TMEM74: variants seen among roughly 807,000 people sequenced by gnomAD.
TMEM74 encodes transmembrane protein 74.
In TMEM74, 13 loss-of-function variants were observed where a neutral mutation model predicts 18.1. The ratio of observed to expected loss-of-function variants is 0.72; its 90% confidence interval spans 0.47 to 1.14. The LOEUF (loss-of-function observed/expected upper bound fraction) is 1.14, where lower values mean the gene tolerates loss of function less well. Among genes scored for constraint, TMEM74 ranks in the 50% most tolerant of loss-of-function variants. The pLI is 0.00. For synonymous variants in TMEM74, 159 were observed against 146.6 expected, an observed-to-expected ratio of 1.08 and a Z score of -0.61; for missense variants, 372 against 375.9, an observed-to-expected ratio of 0.99 and a Z score of 0.09.
At chr8:108,693,823 CA>C (rs1232962336) in intron 1 of TMEM74, among the ~76,000 whole-genome samples, 8 of 152,206 alleles carry the variant, frequency 5.3e-5, no homozygotes, top group African/African-American at 1.9e-4. Flanking sequence ...AAGCAGATTC[CA>C]GTTAAATATG....
chr8:108,715,367 A>G (rs1249435802), intron 1 of TMEM74, among the ~76,000 whole-genome samples: 2 of 152,076 alleles, frequency 1.3e-5, no homozygotes, highest in East Asian at 3.8e-4. Flanking sequence ...CTTCAGCATT[A>G]CACGATATAC....
At chr8:108,739,910 AC>A (rs2130645239) in intron 1 of TMEM74, among the ~76,000 whole-genome samples, 1 of 152,152 alleles carries the variant, frequency 6.6e-6, no homozygotes, top group South Asian at 2.1e-4. Context: ...GAGAAGTGGG[AC>A]CGGGGGCCAT....
At chr8:108,622,482 C>T (rs1217585050) in intron 2 of TMEM74, among the ~76,000 whole-genome samples, 1 of 152,068 alleles carries the variant, frequency 6.6e-6, no homozygotes, top group Non-Finnish European at 1.5e-5. Context: ...TGTTATCCTC[C>T]ACTGACATCA....
chr8:108,662,934 C>G (rs949564750), intron 1 of TMEM74, among the ~76,000 whole-genome samples: 1 of 152,080 alleles, frequency 6.6e-6, no homozygotes, highest in Non-Finnish European at 1.5e-5. Flanking sequence ...TGGGGTGTAG[C>G]CTTGTAGTAT....
chr8:108,744,126 G>A (rs1414325799), intron 1 of TMEM74, among the ~76,000 whole-genome samples: 1 of 152,126 alleles, frequency 6.6e-6, no homozygotes, highest in Non-Finnish European at 1.5e-5. Context: ...AGGGCTCACA[G>A]CATCAACTAC....
intron 1 of TMEM74, among the ~76,000 whole-genome samples, chr8:108,755,794 C>T (rs1416057883): frequency 3.3e-5 from 5 of 151,962 alleles, no homozygotes; most frequent in Non-Finnish European, 5.9e-5. Flanking sequence ...GAACAAAGTT[C>T]AGAGTAGACA....
chr8:108,755,074 T>C (rs771552533), intron 1 of TMEM74, among the ~76,000 whole-genome samples: 1 of 152,110 alleles, frequency 6.6e-6, no homozygotes, highest in African/African-American at 2.4e-5. Context: ...CCAAAATATC[T>C]GGGCTCCCTG....
intron 2 of TMEM74, among the ~76,000 whole-genome samples, chr8:108,628,296 T>C (rs1812516351): frequency 2.0e-5 from 3 of 152,052 alleles, no homozygotes; most frequent in Admixed American, 2.0e-4. Flanking sequence ...TGTCTGTATT[T>C]GCACTCAACC....
intron 2 of TMEM74, among the ~76,000 whole-genome samples, chr8:108,628,283 A>G (rs973028358): frequency 3.3e-5 from 5 of 152,084 alleles, no homozygotes; most frequent in Non-Finnish European, 7.4e-5. Flanking sequence ...TAGAAAAAAC[A>G]TTTGTCTGTA....
intron 1 of TMEM74, among the ~76,000 whole-genome samples, chr8:108,787,199 C>T (rs1028553975): frequency 6.6e-6 from 1 of 152,216 alleles, no homozygotes; most frequent in African/African-American, 2.4e-5. Flanking sequence ...CAAGGCTGAT[C>T]TCGGGGAGGC....
At chr8:108,686,448 C>T (rs1218453939) in intron 1 of TMEM74, among the ~76,000 whole-genome samples, 4 of 151,822 alleles carry the variant, frequency 2.6e-5, no homozygotes, top group South Asian at 4.2e-4. Context: ...GTGATCCAGC[C>T]GCCTCAGCCT....
At chr8:108,621,705 T>C (rs922888118) in intron 2 of TMEM74, among the ~76,000 whole-genome samples, 5 of 152,160 alleles carry the variant, frequency 3.3e-5, no homozygotes, top group African/African-American at 1.2e-4. Flanking sequence ...GCATGGATTC[T>C]GGAGGTAGCT....
At chr8:108,704,317 T>C (rs1417833366) in intron 1 of TMEM74, among the ~76,000 whole-genome samples, 2 of 152,216 alleles carry the variant, frequency 1.3e-5, no homozygotes, top group Non-Finnish European at 2.9e-5. Context: ...TTTCATCCTA[T>C]TCATCCCATG....
Position 108,784,759 on chromosome 8 carries a change from C to A in TMEM74, c.340G>T (p.Val114Leu), listed in dbSNP as rs759219484. 2.5e-6 allele frequency: 4 copies of A among 1,614,044 alleles called. No individual in the cohort carries two copies. Among genetic ancestry groups the A allele is most frequent in the Non-Finnish European group, 2.5e-6 (3 of 1,180,032 alleles). The change falls in exon 2 of 2, where the codon GTG (valine) becomes TTG (leucine). Residue 114 changes from valine (V) to leucine (L), a missense_variant. Transcript: ENST00000297459. ...TGCTCCAAGTTGATGTTTTTGTCCA[C>A]ATAGGTAAAAGAAGTTTCTAATTCC... ...SQELETSFTY[V>L]DKNINLEQRN...
intron 2 of TMEM74, among the ~76,000 whole-genome samples, chr8:108,621,629 T>G: frequency 6.6e-6 from 1 of 152,212 alleles, no homozygotes; most frequent in South Asian, 2.1e-4. Context: ...GCTGTATCCA[T>G]GTGGACGTGT....
intron 2 of TMEM74, among the ~76,000 whole-genome samples, chr8:108,648,640 T>C (rs948134383): frequency 2.6e-5 from 4 of 152,072 alleles, no homozygotes; most frequent in Admixed American, 6.6e-5. Flanking sequence ...AGGGTAGCTG[T>C]CATAGAGAGA....
At chr8:108,785,564 T>C (rs73313567) in intron 1 of TMEM74, among the ~76,000 whole-genome samples, 5,279 of 152,292 alleles carry the variant, frequency 0.035, 214 homozygotes, top group African/African-American at 0.097. Flanking sequence ...TGGGGAAGCA[T>C]AGACTTGTTA....
intron 1 of TMEM74, among the ~76,000 whole-genome samples, chr8:108,719,050 G>A (rs547843346): frequency 2.6e-4 from 40 of 151,534 alleles, no homozygotes; most frequent in African/African-American, 8.7e-4. Flanking sequence ...GCAGTGTTCC[G>A]ATAAAAATTA....
At chr8:108,714,474 A>T (rs985865302) in intron 1 of TMEM74, among the ~76,000 whole-genome samples, 1 of 152,192 alleles carries the variant, frequency 6.6e-6, no homozygotes, top group African/African-American at 2.4e-5. Flanking sequence ...TAAAGAAAAA[A>T]TTCTTCAAGT....
Sources: gnomAD v4.1 joint callset for allele counts (sites outside exome capture counted in the v4.1 genomes callset) on GRCh38, gnomAD v4.1.1 for gene constraint, MANE v1.5 for transcripts, NCBI Gene and HGNC (gene_info 2026-07-23, HGNC 2026-07-21) for gene names.